The following GALNT13 variants were observed in gnomAD, a reference collection of about 807,000 sequenced individuals.
The protein encoded by GALNT13 is UDP-GalNAc:polypeptide N-acetylgalactosaminyltransferase 13.
GALNT13 carries 28 observed loss-of-function variants against 64.2 expected under a neutral mutation model. The ratio of observed to expected loss-of-function variants is 0.44; its 90% CI spans 0.32 to 0.60. GALNT13 has a LOEUF of 0.60. Ranked by LOEUF, GALNT13 falls within the 20% of genes least tolerant of loss-of-function variation. The probability of loss-of-function intolerance (pLI) is 0.05; values close to 1 mark genes in which losing one functional copy is unlikely to be tolerated. For missense variants in GALNT13, 577 were observed against 669.8 expected, an observed-to-expected ratio of 0.86 and a Z score of 1.53; for synonymous variants, 214 against 224.6, an observed-to-expected ratio of 0.95 and a Z score of 0.42.
intron 4 of GALNT13, among the ~76,000 whole-genome samples, chr2:154,212,436 G>T (rs1687828123): frequency 6.6e-6 from 1 of 151,946 alleles, no homozygotes; most frequent in Admixed American, 6.6e-5. Context: ...TAGAGACAAG[G>T]TTTCACCGTA....
chr2:154,185,488 T>C (rs978764207), intron 4 of GALNT13, among the ~76,000 whole-genome samples: 2 of 151,956 alleles, frequency 1.3e-5, no homozygotes, highest in East Asian at 1.9e-4. Flanking sequence ...AGTATACATA[T>C]TAATTCACTT....
the GALNT13 span, among the ~76,000 whole-genome samples, chr2:153,464,069 C>T: frequency 6.6e-6 from 1 of 151,986 alleles, no homozygotes. Flanking sequence ...GTCCAGGCAT[C>T]CCTTAAGCAC....
At chr2:154,029,870 C>G (rs1377586582) in intron 3 of GALNT13, among the ~76,000 whole-genome samples, 3 of 152,048 alleles carry the variant, frequency 2.0e-5, no homozygotes, top group Non-Finnish European at 4.4e-5. Flanking sequence ...AAGAAAGAGT[C>G]AGATGGAAAT....
At chr2:154,061,300 G>T (rs969235776) in intron 3 of GALNT13, among the ~76,000 whole-genome samples, 15 of 152,094 alleles carry the variant, frequency 9.9e-5, no homozygotes, top group Non-Finnish European at 2.2e-4. Flanking sequence ...GCAATGCGTT[G>T]GCTGTAAATA....
chr2:154,158,851 A>G (rs938005728), intron 4 of GALNT13, among the ~76,000 whole-genome samples: 5 of 152,132 alleles, frequency 3.3e-5, no homozygotes, highest in African/African-American at 9.7e-5. Flanking sequence ...GAGCATTCCA[A>G]TAATGGAACA....
At chr2:154,417,081 A>C (rs567344141) in intron 11 of GALNT13, among the ~76,000 whole-genome samples, 1 of 152,136 alleles carries the variant, frequency 6.6e-6, no homozygotes, top group African/African-American at 2.4e-5. Flanking sequence ...TCTTTTTAAA[A>C]TCTATTTCTT....
intron 11 of GALNT13, among the ~76,000 whole-genome samples, chr2:154,427,809 C>G (rs1266659886): frequency 1.3e-5 from 2 of 152,126 alleles, no homozygotes; most frequent in African/African-American, 4.8e-5. Flanking sequence ...TAGATGAAAC[C>G]TGAAATCAAT....
chr2:153,081,151 C>G, the GALNT13 span, among the ~76,000 whole-genome samples: 1 of 152,000 alleles, frequency 6.6e-6, no homozygotes, highest in South Asian at 2.1e-4. Context: ...AAATATTTCA[C>G]TATATGGTAT....
intron 4 of GALNT13, among the ~76,000 whole-genome samples, chr2:154,182,469 C>T (rs1415817380): frequency 1.3e-5 from 2 of 151,776 alleles, no homozygotes; most frequent in African/African-American, 4.8e-5. Flanking sequence ...ATTTTGTGGT[C>T]ATTAAGGATC....
At chr2:153,974,092 C>A (rs907251204) in intron 3 of GALNT13, among the ~76,000 whole-genome samples, 1 of 152,006 alleles carries the variant, frequency 6.6e-6, no homozygotes, top group African/African-American at 2.4e-5. Context: ...TGTTCTTCCC[C>A]TACCAATCTT....
the GALNT13 span, among the ~76,000 whole-genome samples, chr2:153,200,598 C>G: frequency 1.3e-5 from 2 of 152,186 alleles, no homozygotes; most frequent in African/African-American, 4.8e-5. Flanking sequence ...CAGAATCTAT[C>G]TCATTGCCTA....
At chr2:154,188,732 A>G (rs1686401444) in intron 4 of GALNT13, among the ~76,000 whole-genome samples, 1 of 152,114 alleles carries the variant, frequency 6.6e-6, no homozygotes, top group Admixed American at 6.6e-5. Context: ...CTTTAATGTT[A>G]TTTTGGAAAT....
At chr2:153,821,335 G>A in the GALNT13 span, among the ~76,000 whole-genome samples, 4 of 152,052 alleles carry the variant, frequency 2.6e-5, no homozygotes, top group South Asian at 6.2e-4. Flanking sequence ...CAACCACATG[G>A]TTGGCCATAA....
the GALNT13 span, among the ~76,000 whole-genome samples, chr2:153,078,422 T>C: frequency 6.6e-4 from 100 of 151,750 alleles, no homozygotes; most frequent in East Asian, 0.019. Flanking sequence ...AGTGATTCTC[T>C]TGCCTCAGCC....
chr2:154,183,163 T>C (rs1436095473), intron 4 of GALNT13, among the ~76,000 whole-genome samples: 1 of 152,190 alleles, frequency 6.6e-6, no homozygotes, highest in African/African-American at 2.4e-5. Context: ...GCTCCTAGAC[T>C]TTTATTTGTT....
intron 3 of GALNT13, among the ~76,000 whole-genome samples, chr2:154,084,435 C>T (rs1228117549): frequency 6.6e-6 from 1 of 151,742 alleles, no homozygotes; most frequent in Non-Finnish European, 1.5e-5. Context: ...AACAATATTA[C>T]AACTCTAAGG....
the GALNT13 span, among the ~76,000 whole-genome samples, chr2:153,460,310 A>C: frequency 6.6e-6 from 1 of 152,146 alleles, no homozygotes; most frequent in African/African-American, 2.4e-5. Context: ...ATGTAACAAC[A>C]TTCAATTTGC....
the GALNT13 span, among the ~76,000 whole-genome samples, chr2:153,857,930 G>C: frequency 6.6e-6 from 1 of 152,124 alleles, no homozygotes; most frequent in Non-Finnish European, 1.5e-5. Flanking sequence ...GAGTCTTAGA[G>C]CAGGATATGT....
At chr2:154,135,059 G>A (rs895378412) in intron 3 of GALNT13, among the ~76,000 whole-genome samples, 1 of 152,040 alleles carries the variant, frequency 6.6e-6, no homozygotes, top group Non-Finnish European at 1.5e-5. Context: ...ATATATGAAT[G>A]GTCCTATTTT....
Sources: gnomAD v4.1 joint callset for allele counts (sites outside exome capture counted in the v4.1 genomes callset) on GRCh38, gnomAD v4.1.1 for gene constraint, MANE v1.5 for transcripts, NCBI Gene and HGNC (gene_info 2026-07-23, HGNC 2026-07-21) for gene names.